Variants in NFATC2 observed in about 807,000 individuals in gnomAD.
NFATC2 encodes the protein nuclear factor of activated T-cells, cytoplasmic 2.
A neutral mutation model predicts 87.3 loss-of-function variants in NFATC2; 22 were observed. The observed-to-expected ratio is 0.25, with a 90% CI of 0.18 to 0.36. The LOEUF (loss-of-function observed/expected upper bound fraction) is 0.36, where lower values mean the gene tolerates loss of function less well. NFATC2 is among the 10% of genes least tolerant of loss of function. The pLI is 1.00. For missense variants in NFATC2, 1,149 were observed against 1,259.1 expected (o/e 0.91, Z 1.32); for synonymous variants, 565 against 542.2 (o/e 1.04, Z -0.58).
chr20:51,536,928 C>T (rs576889630), intron 1 of NFATC2, among the ~76,000 whole-genome samples: 25 of 150,338 alleles, frequency 1.7e-4, no homozygotes, highest in African/African-American at 6.2e-4. Flanking sequence ...CACACAGATA[C>T]TGTATCACAG....
In NFATC2 at chr20:51,400,095, C is replaced by T. The variant is rs371550818; in HGVS notation, c.2723-1365G>A. Reference sequence around the variant, plus strand: ...CTCCTTGTTCACAGCCCACATCCCACCCACCCATACATGCTTCTGGATTTA... The same window carrying T: ...CTCCTTGTTCACAGCCCACATCCCATCCACCCATACATGCTTCTGGATTTA... On this transcript the variant is annotated intron_variant, in intron 9 of 10. Transcript: ENST00000371564. Among the ~76,000 whole-genome samples, 10 of 152,202 alleles carry T rather than the reference C, an allele frequency of 6.6e-5. No homozygotes were observed. In the East Asian group the frequency reaches 1.5e-3, roughly 24 times the overall value.
chr20:51,513,232 C>T lies in NFATC2; in HGVS notation c.1332+3552G>A, dbSNP rs1006152885. Among the ~76,000 whole-genome samples the T allele has an allele frequency of 2.0e-5, 3 of 152,294 alleles. No homozygotes were observed. In the East Asian group the frequency reaches 5.8e-4, roughly 29 times the overall value. On this transcript the variant is annotated intron_variant, in intron 3 of 10. Transcript: ENST00000371564. ...GGTGGCTCACACTGTAATCCTAACA[C>T]TTTGGGAGGATGAGGTGGTAGGATC... is the stretch of plus-strand genomic sequence containing the variant.
intron 9 of NFATC2, among the ~76,000 whole-genome samples, chr20:51,400,258 C>T (rs765799181): frequency 2.6e-5 from 4 of 152,192 alleles, no homozygotes; most frequent in East Asian, 3.8e-4. Flanking sequence ...ATGACCAACA[C>T]GTTGTCACTT....
chr20:51,490,251 G>T (rs532387276), intron 3 of NFATC2, among the ~76,000 whole-genome samples: 7 of 152,174 alleles, frequency 4.6e-5, no homozygotes, highest in South Asian at 2.1e-4. Context: ...TATGAGAGAG[G>T]TATTATAATT....
Position 51,502,506 on chromosome 20 carries a change from G to GT in NFATC2, c.1332+14277dup, listed in dbSNP as rs111610247. Among the ~76,000 whole-genome samples, 204 of 151,906 alleles carry GT rather than the reference G, an allele frequency of 1.3e-3. 1 individual carries two copies. The East Asian group carries it at 0.021, about 16-fold the overall frequency. Reference sequence around the variant, plus strand: ...CGCCCAGCTAATTTTTTGTTTTTGTGTTTTTTTTGGTAGAGACAAGGGTCT... The same window carrying GT: ...CGCCCAGCTAATTTTTTGTTTTTGTGTTTTTTTTTGGTAGAGACAAGGGTCT... On this transcript the variant is annotated intron_variant, in intron 3 of 10. Transcript: ENST00000371564.
chr20:51,544,773 A>G (rs1265469329), upstream of NFATC2, among the ~76,000 whole-genome samples: 1 of 152,206 alleles, frequency 6.6e-6, no homozygotes. Flanking sequence ...GTTGGGACTT[A>G]GGCATCAGTA....
At chr20:51,561,325 A>G (rs2077019268) in intron 1 of NFATC2, among the ~76,000 whole-genome samples, 1 of 80,056 alleles carries the variant, frequency 1.2e-5, no homozygotes, top group Non-Finnish European at 2.9e-5. Flanking sequence ...CAATCTAGTT[A>G]AAAAAAAAAA....
chr20:51,494,213 C>T (rs754706717), intron 3 of NFATC2, among the ~76,000 whole-genome samples: 11 of 151,982 alleles, frequency 7.2e-5, no homozygotes, highest in South Asian at 2.1e-4. Flanking sequence ...TCCTTCTCCA[C>T]GCGGAGTGGG....
intron 5 of NFATC2, among the ~76,000 whole-genome samples, chr20:51,455,658 G>A (rs914340614): frequency 8.4e-6 from 1 of 118,722 alleles, no homozygotes; most frequent in Non-Finnish European, 1.7e-5. Flanking sequence ...GTGTACTGCT[G>A]TAAGCCTAGA....
intron 3 of NFATC2, among the ~76,000 whole-genome samples, chr20:51,491,135 C>G (rs1405277430): frequency 2.6e-5 from 4 of 152,146 alleles, no homozygotes; most frequent in South Asian, 2.1e-4. Context: ...GTCCTGTATT[C>G]AGAGAGAGGA....
chr20:51,432,103 G>A lies in NFATC2; in HGVS notation c.2686C>T (p.Gln896Ter). The A allele has an allele frequency of 6.5e-7, 1 of 1,546,252 alleles. No individual in the cohort carries two copies. The highest frequency in any genetic ancestry group is 8.7e-7 in the Non-Finnish European group (1 of 1,143,074). The change falls in exon 9 of 11, where the codon CAG (glutamine) becomes TAG (stop). Residue 896 changes from glutamine to a stop codon, truncating the protein, a stop_gained. Coordinates refer to ENST00000371564, the MANE Select transcript of NFATC2 (RefSeq NM_012340.5). LOFTEE classifies it high-confidence loss of function. The surrounding 1 kb of genome is among the most constrained non-coding windows in gnomAD (Gnocchi z 4.6). ...TAGGTCTGGTCCAAGTTCTGCTCCT[G>A]TTTAATGGTCACCCCCGCAGGTAAT... ...EVLPAGVTIK[Q>*]EQNLDQTYLD...
upstream of NFATC2, among the ~76,000 whole-genome samples, chr20:51,546,853 G>A (rs560256776): frequency 9.8e-5 from 15 of 152,342 alleles, no homozygotes; most frequent in South Asian, 6.2e-4. Flanking sequence ...AAGGTTGGTA[G>A]AAGTTAGTTA....
chr20:51,442,929 C>G (rs1376784063), intron 6 of NFATC2, among the ~76,000 whole-genome samples: 1 of 152,120 alleles, frequency 6.6e-6, no homozygotes, highest in Non-Finnish European at 1.5e-5. Flanking sequence ...AACATTCCAC[C>G]CAGGCTCAAG....
At chr20:51,448,702 G>A (rs1985398923) in intron 6 of NFATC2, among the ~76,000 whole-genome samples, 1 of 152,122 alleles carries the variant, frequency 6.6e-6, no homozygotes, top group African/African-American at 2.4e-5. Flanking sequence ...AAGAGCAAAC[G>A]GAGAAAGCCA....
chr20:51,444,788 T>C (rs1424579910), intron 6 of NFATC2, among the ~76,000 whole-genome samples: 1 of 152,144 alleles, frequency 6.6e-6, no homozygotes, highest in African/African-American at 2.4e-5. Context: ...GTGTCCTCCC[T>C]GGAAGCATGG....
At chr20:51,414,686 TAAAAAAAGAAAA>T (rs560814725) in intron 9 of NFATC2, among the ~76,000 whole-genome samples, 110 of 145,620 alleles carry the variant, frequency 7.6e-4, no homozygotes, top group Non-Finnish European at 1.3e-3. Flanking sequence ...AAGACTCTGT[TAAAAAAAGAAAA>T]AAAAAAAGTC....
chr20:51,489,121 CA>C (rs1568681307), intron 3 of NFATC2, among the ~76,000 whole-genome samples: 1 of 152,092 alleles, frequency 6.6e-6, no homozygotes, highest in Non-Finnish European at 1.5e-5. Flanking sequence ...ACCCAGGAGG[CA>C]GAGGTTGCAG....
At chr20:51,394,658 ACAG>A (rs1363297783) in intron 10 of NFATC2, among the ~76,000 whole-genome samples, 3 of 152,184 alleles carry the variant, frequency 2.0e-5, no homozygotes, top group Non-Finnish European at 4.4e-5. Context: ...TTATTTATGA[ACAG>A]AACACAGAAG....
chr20:51,531,704 A>C (rs1462081201), intron 1 of NFATC2, among the ~76,000 whole-genome samples: 1 of 152,200 alleles, frequency 6.6e-6, no homozygotes, highest in Non-Finnish European at 1.5e-5. Flanking sequence ...TCCCTAACCT[A>C]TGCAAAGCCC....
Sources: gnomAD v4.1 joint callset for allele counts (sites outside exome capture counted in the v4.1 genomes callset) on GRCh38, gnomAD v4.1.1 for gene constraint, Gnocchi (gnomAD v3.1) non-coding constraint, MANE v1.5 for transcripts, NCBI Gene and HGNC (gene_info 2026-07-23, HGNC 2026-07-21) for gene names.